Variants in SYDE1 observed in about 807,000 individuals in gnomAD.
SYDE1 encodes the protein synapse defective Rho GTPase activating protein 1.
A neutral mutation model predicts 63.3 loss-of-function variants in SYDE1; 34 were observed. That is an observed-to-expected ratio of 0.54 (90% CI 0.41 to 0.71). The LOEUF (loss-of-function observed/expected upper bound fraction) is 0.71. Among genes scored for constraint, SYDE1 ranks in the 30% least tolerant of loss-of-function variants. The pLI is 0.00. For synonymous variants in SYDE1, 467 were observed against 473.4 expected, an observed-to-expected ratio of 0.99 and a Z score of 0.18; for missense variants, 925 against 1,042.5, an observed-to-expected ratio of 0.89 and a Z score of 1.55.
Position 15,109,473 on chromosome 19 carries a change from C to T in SYDE1, c.430+76C>T. The stretch of plus-strand genomic sequence containing the variant: ...TCCCTTCCCTTCAGGGTAGCACCAG[C>T]CTCACACTCCCTCCTCCCAGAGGAG... On this transcript the variant is annotated intron_variant, in intron 2 of 7. Transcript: ENST00000342784. This position sits in a 1 kb window ranked among gnomAD's most constrained non-coding sequence, Gnocchi z 5.0. The T allele has an allele frequency of 1.4e-6, 2 of 1,430,536 alleles. No homozygotes were observed. The highest frequency in any genetic ancestry group is 9.3e-7 in the Non-Finnish European group (1 of 1,078,910). 88.6% of individuals were successfully genotyped at this position (1,430,536 alleles called of 1,614,324 possible).
Position 15,110,156 on chromosome 19 carries a change from G to T in SYDE1, c.883G>T (p.Val295Leu). Residue 295 changes from valine (V) to leucine (L), a missense_variant, in exon 3 of 8, where the codon GTG becomes TTG. Val to Leu is a conservative substitution (Grantham distance 32). Around this residue, in one of 3 missense-constraint regions of SYDE1, gnomAD observed 599 missense variants for 653.7 expected, o/e 0.92. Transcript: ENST00000342784. The surrounding 1 kb of genome is among the most constrained non-coding windows in gnomAD (Gnocchi z 6.9). ...CAGGGACCTCTGCTGCCTACTGCAA[G>T]TGGATGGGGAGGCCAGGGCCCGAAC... ...TPRDLCCLLQ[V>L]DGEARARTGP... 7.1e-7 allele frequency: 1 copy of T among 1,406,812 alleles called. No homozygotes were observed. The highest frequency in any genetic ancestry group is 9.2e-7 in the Non-Finnish European group (1 of 1,084,872). 87.1% of individuals were successfully genotyped at this position (1,406,812 alleles called of 1,614,324 possible). A position where few individuals can be genotyped will look rare whatever the true frequency, so the allele number is the denominator to read the frequency against.
rs1293614402 is a variant in SYDE1 at position 15,109,139 on chromosome 19, C to A, written c.172C>A (p.Pro58Thr). Residue 58 changes from proline (P) to threonine (T), a missense_variant, in exon 2 of 8, where the codon CCC becomes ACC. Coordinates refer to ENST00000342784, the MANE Select transcript of SYDE1 (RefSeq NM_033025.6). This position sits in a 1 kb window ranked among gnomAD's most constrained non-coding sequence, Gnocchi z 5.0. ...PEGSQAGAEG[P>T]SSPEASRSPA... is the part of the protein sequence containing the mutation. ...AGGGTCCCAGGCCGGAGCAGAGGGG[C>A]CCTCCAGCCCCGAGGCATCAAGGAG... is the stretch of plus-strand genomic sequence containing the variant. 6.4e-7 allele frequency: 1 copy of A among 1,550,890 alleles called. No homozygotes were observed. The highest frequency in any genetic ancestry group is 1.2e-5 in the South Asian group (1 of 84,080).
chr19:15,110,005 A>G lies in SYDE1; in HGVS notation c.732A>G (p.Ser244=). 1 of 1,495,386 alleles carries G rather than the reference A, an allele frequency of 6.7e-7. No homozygotes were observed. The highest frequency in any genetic ancestry group is 8.8e-7 in the Non-Finnish European group (1 of 1,131,326). The allele number at this position is 1,495,386 out of a possible 1,614,324, so 92.6% of individuals were successfully genotyped here. ...CGGAGCGCCCAGCTGGGCCCCCATCACCCACCTCCTTCCGGCCCTACGAGG... is the reference window on the plus strand; with the variant it reads ...CGGAGCGCCCAGCTGGGCCCCCATCGCCCACCTCCTTCCGGCCCTACGAGG... ...DSPERPAGPP[S]PTSFRPYEVG... The change falls in exon 3 of 8, where the codon TCA becomes TCG. Residue 244 remains serine, a synonymous_variant. Coordinates refer to ENST00000342784, the MANE Select transcript of SYDE1 (RefSeq NM_033025.6). The surrounding 1 kb of genome is among the most constrained non-coding windows in gnomAD (Gnocchi z 6.9).
chr19:15,113,696 G>T lies in SYDE1; in HGVS notation c.1941G>T (p.Pro647=). The part of the protein sequence containing the change: ...PRGRGGPESP[P]SNRYAGDWSV... ...GTCGAGGAGGCCCCGAAAGCCCCCC[G>T]AGCAACCGCTACGCCGGCGACTGGA... is the stretch of plus-strand genomic sequence containing the variant. The change falls in exon 8 of 8, where the codon CCG becomes CCT. Residue 647 remains proline (P), a synonymous_variant. Transcript: ENST00000342784. 1 of 1,613,328 alleles carries T rather than the reference G, an allele frequency of 6.2e-7. No individual in the cohort carries two copies.
At chr19:15,112,960 G>T (rs2046354784) in intron 7 of SYDE1, among the ~76,000 whole-genome samples, 1 of 151,968 alleles carries the variant, frequency 6.6e-6, no homozygotes, top group Non-Finnish European at 1.5e-5. Flanking sequence ...GCTGGGGTGT[G>T]GTGGCATGAT....
chr19:15,112,479 C>A lies in SYDE1; in HGVS notation c.1712C>A (p.Pro571His). The change falls in exon 7 of 8, where the codon CCT (proline) becomes CAT (histidine). Residue 571 changes from proline to histidine, a missense_variant. Coordinates refer to ENST00000342784, the MANE Select transcript of SYDE1 (RefSeq NM_033025.6). ...CCGGCACGCCAGGCGCCCACAAGGC[C>A]TCGTGCCCGCAGCTCCGGCCCAGGC... Reference protein sequence around the residue: ...LLPARQAPTRPRARSSGPGLA... With the variant: ...LLPARQAPTRHRARSSGPGLA... 6.2e-7 allele frequency: 1 copy of A among 1,606,518 alleles called. No homozygotes were observed. Among genetic ancestry groups the A allele is most frequent in the Non-Finnish European group, 8.5e-7 (1 of 1,176,954 alleles).
In SYDE1 at chr19:15,112,389, CCTT is replaced by C; in HGVS notation, c.1624_1626del (p.Phe542del). Reference sequence around the variant, plus strand: ...CTGGACCACCTGCGCCTCGTCTCCTCCTTCCATGCCTACAACCGCATGACCCCA... The same window carrying C: ...CTGGACCACCTGCGCCTCGTCTCCTCCCATGCCTACAACCGCATGACCCCA... On this transcript the variant is annotated inframe_deletion, in exon 7 of 8. Coordinates refer to ENST00000342784, the MANE Select transcript of SYDE1 (RefSeq NM_033025.6). The C allele has an allele frequency of 6.3e-7, 1 of 1,593,604 alleles. No homozygotes were observed.
rs1370805488 is a variant in SYDE1 at position 15,113,755 on chromosome 19, G to A, written c.2000G>A (p.Arg667Gln). 2 of 1,613,864 alleles carry A rather than the reference G, an allele frequency of 1.2e-6. No homozygotes were observed. Among genetic ancestry groups the A allele is most frequent in the Non-Finnish European group, 1.7e-6 (2 of 1,179,960 alleles). Residue 667 changes from arginine (R) to glutamine (Q), a missense_variant, in exon 8 of 8, where the codon CGG becomes CAG. By Grantham distance (43) the Arg-to-Gln change is conservative. Around this residue, in one of 3 missense-constraint regions of SYDE1, gnomAD observed 255 missense variants for 255.9 expected, o/e 1.00. Coordinates refer to ENST00000342784, the MANE Select transcript of SYDE1 (RefSeq NM_033025.6). ...VCGRDFLPCGRDFLSGPDYDH... is the reference protein window; with the variant it reads ...VCGRDFLPCGQDFLSGPDYDH... ...GGGCGGGACTTCCTGCCCTGTGGGC[G>A]GGATTTCCTGTCCGGGCCAGACTAC...
Position 15,111,566 on chromosome 19 carries a change from T to C in SYDE1, c.1418-66T>C, listed in dbSNP as rs1042229846. On this transcript the variant is annotated intron_variant, in intron 5 of 7. Coordinates refer to ENST00000342784, the MANE Select transcript of SYDE1 (RefSeq NM_033025.6). The surrounding 1 kb of genome is among the most constrained non-coding windows in gnomAD (Gnocchi z 5.5). ...CTTTCACCCACCTCCTCTTCCCCCT[T>C]AGCTGTGCCCTCCTTAGCCTTAGAA... is the stretch of plus-strand genomic sequence containing the variant. The C allele has an allele frequency of 6.2e-7, 1 of 1,604,934 alleles. No homozygotes were observed. Among genetic ancestry groups the C allele is most frequent in the Non-Finnish European group, 8.5e-7 (1 of 1,174,292 alleles).
chr19:15,110,135 G>A lies in SYDE1; in HGVS notation c.862G>A (p.Asp288Asn). The change falls in exon 3 of 8, where the codon GAC becomes AAC. Residue 288 changes from aspartate (D) to asparagine (N), a missense_variant. Asp to Asn is a conservative substitution (Grantham distance 23). Around this residue, in one of 3 missense-constraint regions of SYDE1, gnomAD observed 599 missense variants for 653.7 expected, o/e 0.92. Coordinates refer to ENST00000342784, the MANE Select transcript of SYDE1 (RefSeq NM_033025.6). This position sits in a 1 kb window ranked among gnomAD's most constrained non-coding sequence, Gnocchi z 6.9. ...LRPAPGATPR[D>N]LCCLLQVDGE... Reference sequence around the variant, plus strand: ...GCCAGCGCCGGGGGCCACCCCCAGGGACCTCTGCTGCCTACTGCAAGTGGA... The same window carrying A: ...GCCAGCGCCGGGGGCCACCCCCAGGAACCTCTGCTGCCTACTGCAAGTGGA... The A allele has an allele frequency of 2.8e-6, 4 of 1,406,156 alleles. No individual in the cohort carries two copies. The highest frequency in any genetic ancestry group is 3.7e-6 in the Non-Finnish European group (4 of 1,086,172). 87.1% of individuals were successfully genotyped at this position (1,406,156 alleles called of 1,614,324 possible). A position where few individuals can be genotyped will look rare whatever the true frequency, so the allele number is the denominator to read the frequency against.
At position 15,109,174 on chromosome 19, in the gene SYDE1, G is replaced by C. The variant is rs567727513; in HGVS notation, c.207G>C (p.Arg69=). ...CCGAGGCATCAAGGAGCCCTGCACG[G>C]GGAGCCTACCTGCAAAGCCTGGAGC... ...SSPEASRSPA[R]GAYLQSLEPS... The change falls in exon 2 of 8, where the codon CGG becomes CGC. Residue 69 remains arginine, a synonymous_variant. Transcript: ENST00000342784. This position sits in a 1 kb window ranked among gnomAD's most constrained non-coding sequence, Gnocchi z 5.0. 2.0e-4 allele frequency: 305 copies of C among 1,555,918 alleles called. 2 individuals are homozygous for C. The South Asian group carries it at 3.3e-3, about 17-fold the overall frequency.
chr19:15,108,014 C>T lies in SYDE1; in HGVS notation c.88+493C>T, dbSNP rs2046318248. The stretch of plus-strand genomic sequence containing the variant: ...CCTACTAACAGTGACGGCAACTGCG[C>T]CTGCCTTAGCCCCAGGAAACTGTCC... On this transcript the variant is annotated intron_variant, in intron 1 of 7. Coordinates refer to ENST00000342784, the MANE Select transcript of SYDE1 (RefSeq NM_033025.6). This position sits in a 1 kb window ranked among gnomAD's most constrained non-coding sequence, Gnocchi z 4.3. Among the ~76,000 whole-genome samples the T allele has an allele frequency of 6.6e-6, 1 of 152,182 alleles. No homozygotes were observed. The highest frequency in any genetic ancestry group is 1.5e-5 in the Non-Finnish European group (1 of 68,016).
In SYDE1 at chr19:15,109,562, C is replaced by A; in HGVS notation, c.431-142C>A. 1.0e-6 allele frequency: 1 copy of A among 968,338 alleles called. No homozygotes were observed. The highest frequency in any genetic ancestry group is 1.5e-6 in the Non-Finnish European group (1 of 671,046). The allele number at this position is 968,338 out of a possible 1,614,324, so 60.0% of individuals were successfully genotyped here. ...CCTCACATCCCCACCCCGTCAGATG[C>A]TCCCAGAGGAGCATCAGCCTCACAC... On this transcript the variant is annotated intron_variant, in intron 2 of 7. Coordinates refer to ENST00000342784, the MANE Select transcript of SYDE1 (RefSeq NM_033025.6). This position sits in a 1 kb window ranked among gnomAD's most constrained non-coding sequence, Gnocchi z 5.0.
chr19:15,113,936 C>T lies in SYDE1; in HGVS notation c.2181C>T (p.Leu727=). 3 of 1,613,108 alleles carry T rather than the reference C, an allele frequency of 1.9e-6. No individual in the cohort carries two copies. The highest frequency in any genetic ancestry group is 2.5e-6 in the Non-Finnish European group (3 of 1,179,388). Residue 727 remains leucine (L), a synonymous_variant, in exon 8 of 8, where the codon CTC becomes CTT. Transcript: ENST00000342784. ...TCATCCTGGATCTGGAGAGAGAGCTCTCCAAGCAAATCAACGTGTGCCTCT... is the reference window on the plus strand; with the variant it reads ...TCATCCTGGATCTGGAGAGAGAGCTTTCCAAGCAAATCAACGTGTGCCTCT... The part of the protein sequence containing the change: ...DALILDLERE[L]SKQINVCL
In SYDE1 at chr19:15,109,151, G is replaced by C. The variant is rs927110963; in HGVS notation, c.184G>C (p.Glu62Gln). Residue 62 changes from glutamate (E) to glutamine (Q), a missense_variant, in exon 2 of 8, where the codon GAG (glutamate) becomes CAG (glutamine). Physicochemically the swap from Glu to Gln is conservative, Grantham distance 29. This residue lies in a region of SYDE1 where 599 missense variants were observed against 653.7 expected (regional missense o/e 0.92). Coordinates refer to ENST00000342784, the MANE Select transcript of SYDE1 (RefSeq NM_033025.6). This position sits in a 1 kb window ranked among gnomAD's most constrained non-coding sequence, Gnocchi z 5.0. ...CGGAGCAGAGGGGCCCTCCAGCCCC[G>C]AGGCATCAAGGAGCCCTGCACGGGG... The part of the protein sequence containing the change: ...QAGAEGPSSP[E>Q]ASRSPARGAY... 1 of 1,552,020 alleles carries C rather than the reference G, an allele frequency of 6.4e-7. No individual in the cohort carries two copies. Among genetic ancestry groups the C allele is most frequent in the South Asian group, 1.2e-5 (1 of 84,128 alleles).
In SYDE1 at chr19:15,114,933, C is replaced by T. The variant is rs182214691; in HGVS notation, c.*970C>T. ...TCCCTCCTGTCTCCCTCTTCTTTTC[C>T]GCACCTCCATCTTTGTGGATAATAA... On this transcript the variant is annotated 3_prime_UTR_variant, in exon 8 of 8. Coordinates refer to ENST00000342784, the MANE Select transcript of SYDE1 (RefSeq NM_033025.6). 2.1e-4 allele frequency: 85 copies of T among 408,084 alleles called. No homozygotes were observed. The highest frequency in any genetic ancestry group is 5.3e-4 in the African/African-American group (26 of 49,486). The allele number at this position is 408,084 out of a possible 1,614,324, so 25.3% of individuals were successfully genotyped here.
rs1461519883 is a variant in SYDE1, at chr19:15,109,919, G to A, written c.646G>A (p.Ala216Thr). The A allele has an allele frequency of 6.8e-7, 1 of 1,460,854 alleles. No individual in the cohort carries two copies. 90.5% of individuals were successfully genotyped at this position (1,460,854 alleles called of 1,614,324 possible). Reference protein sequence around the residue: ...LDSSVGGPGPAAGPGGTRSPR... With the variant: ...LDSSVGGPGPTAGPGGTRSPR... Reference sequence around the variant, plus strand: ...CAGCAGCGTGGGGGGCCCCGGGCCGGCAGCAGGGCCTGGGGGCACCCGGAG... The same window carrying A: ...CAGCAGCGTGGGGGGCCCCGGGCCGACAGCAGGGCCTGGGGGCACCCGGAG... The change falls in exon 3 of 8, where the codon GCA becomes ACA. Residue 216 changes from alanine (A) to threonine (T), a missense_variant. Physicochemically the swap from Ala to Thr is moderately conservative, Grantham distance 58 (BLOSUM62 0). Transcript: ENST00000342784. This position sits in a 1 kb window ranked among gnomAD's most constrained non-coding sequence, Gnocchi z 5.0.
chr19:15,110,738 G>A lies in SYDE1; in HGVS notation c.1290+3G>A, dbSNP rs1220630905. On this transcript the variant is annotated splice_donor_region_variant and intron_variant, in intron 4 of 7. Transcript: ENST00000342784. This position sits in a 1 kb window ranked among gnomAD's most constrained non-coding sequence, Gnocchi z 6.9. ...AGATCGAGCGCCGAGGGCTGCGGGT[G>A]AGCACCCACCCCACCCCAACCCTCT... 2 of 1,539,204 alleles carry A rather than the reference G, an allele frequency of 1.3e-6. No homozygotes were observed. Among genetic ancestry groups the A allele is most frequent in the East Asian group, 2.4e-5 (1 of 41,380 alleles).
chr19:15,113,906 C>A lies in SYDE1; in HGVS notation c.2151C>A (p.Asp717Glu). The A allele has an allele frequency of 1.9e-6, 3 of 1,614,130 alleles. No individual in the cohort carries two copies. Among genetic ancestry groups the A allele is most frequent in the African/African-American group, 1.3e-5 (1 of 75,076 alleles). The change falls in exon 8 of 8, where the codon GAC becomes GAA. Residue 717 changes from aspartate to glutamate, a missense_variant. This residue lies in a region of SYDE1 where 255 missense variants were observed against 255.9 expected (regional missense o/e 1.00). Coordinates refer to ENST00000342784, the MANE Select transcript of SYDE1 (RefSeq NM_033025.6). ...FNPHLNLKDFDALILDLEREL... is the reference protein window; with the variant it reads ...FNPHLNLKDFEALILDLEREL... ...CGCACCTGAATCTCAAAGACTTCGA[C>A]GCCCTCATCCTGGATCTGGAGAGAG...
Sources: gnomAD v4.1 joint callset for allele counts (sites outside exome capture counted in the v4.1 genomes callset) on GRCh38, gnomAD v4.1.1 for gene constraint, gnomAD v4.1.1 regional missense constraint, Gnocchi (gnomAD v3.1) non-coding constraint, MANE v1.5 for transcripts, NCBI Gene and HGNC (gene_info 2026-07-23, HGNC 2026-07-21) for gene names.